DNAH14: variants seen among roughly 807,000 people sequenced by gnomAD.
The protein encoded by DNAH14 is axonemal beta dynein heavy chain 14.
A neutral mutation model predicts 520.9 loss-of-function variants in DNAH14; 478 were observed. The ratio of observed to expected loss-of-function variants is 0.92; its 90% confidence interval spans 0.85 to 0.99. DNAH14 has a LOEUF of 0.99. Ranked by LOEUF, DNAH14 falls within the 50% of genes least tolerant of loss-of-function variation. The probability of loss-of-function intolerance (pLI) is 0.00; values close to 1 mark genes in which losing one functional copy is unlikely to be tolerated. For missense variants in DNAH14, 4,831 were observed against 5,234.5 expected (o/e 0.92, Z 2.38); for synonymous variants, 1,581 against 1,757.2 (o/e 0.90, Z 2.51).
At chr1:225,359,550 T>C (rs1184854514) in intron 74 of DNAH14, among the ~76,000 whole-genome samples, 1 of 152,220 alleles carries the variant, frequency 6.6e-6, no homozygotes, top group Non-Finnish European at 1.5e-5. Context: ...AAATCAAATG[T>C]GTCTTTAGAA....
intron 27 of DNAH14, among the ~76,000 whole-genome samples, chr1:225,127,901 C>A (rs2077931112): frequency 6.6e-6 from 1 of 152,084 alleles, no homozygotes; most frequent in Non-Finnish European, 1.5e-5. Flanking sequence ...TAGGGCAGGC[C>A]TGGTGGTGAC....
At chr1:225,070,607 A>G (rs1420222668) in intron 17 of DNAH14, among the ~76,000 whole-genome samples, 1 of 152,164 alleles carries the variant, frequency 6.6e-6, no homozygotes, top group African/African-American at 2.4e-5. Flanking sequence ...GCATTTGCTG[A>G]GGAGTGTTTT....
chr1:225,131,404 A>T lies in DNAH14; in HGVS notation c.4254+7790A>T, dbSNP rs191867760. Among the ~76,000 whole-genome samples, 7 of 152,288 alleles carry T rather than the reference A, an allele frequency of 4.6e-5. No homozygotes were observed. In the East Asian group the frequency reaches 1.4e-3, roughly 29 times the overall value. On this transcript the variant is annotated intron_variant, in intron 27 of 85. Transcript: ENST00000682510. Reference sequence around the variant, plus strand: ...TTTTCAGCTTCTGGAGGCCATTGGCATTCCTTGGCTCACAGCCCATTCCTC... The same window carrying T: ...TTTTCAGCTTCTGGAGGCCATTGGCTTTCCTTGGCTCACAGCCCATTCCTC...
At chr1:225,128,869 G>A (rs2078066212) in intron 27 of DNAH14, among the ~76,000 whole-genome samples, 1 of 150,012 alleles carries the variant, frequency 6.7e-6, no homozygotes, top group Non-Finnish European at 1.5e-5. Context: ...AAAAGAAGAA[G>A]TCAAATTGTC....
chr1:225,082,577 T>C lies in DNAH14; in HGVS notation c.3165T>C (p.His1055=). Residue 1055 remains histidine (H), a synonymous_variant, in exon 20 of 86, where the codon CAT becomes CAC. Coordinates refer to ENST00000682510, the MANE Select transcript of DNAH14 (RefSeq NM_001367479.1). ...TACCTAAAAGCGATATGGTAACACA[T>C]CTTAAGCAAGTGGTAACAGAGTTTA... ...KGLPKSDMVT[H]LKQVVTEFKQ... is the part of the protein sequence containing the mutation. 6.4e-7 allele frequency: 1 copy of C among 1,551,404 alleles called. No individual in the cohort carries two copies. The highest frequency in any genetic ancestry group is 8.7e-7 in the Non-Finnish European group (1 of 1,146,876).
chr1:225,185,949 T>TA (rs2084662133), intron 37 of DNAH14, among the ~76,000 whole-genome samples: 1 of 148,820 alleles, frequency 6.7e-6, no homozygotes, highest in African/African-American at 2.4e-5. Context: ...ACACTTTGTT[T>TA]TTTTTTTTTT....
chr1:225,032,724 C>T (rs915443727), intron 11 of DNAH14, among the ~76,000 whole-genome samples: 3 of 152,064 alleles, frequency 2.0e-5, no homozygotes, highest in African/African-American at 7.2e-5. Context: ...CCCTTTTCTC[C>T]GCAACCTCAC....
intron 83 of DNAH14, among the ~76,000 whole-genome samples, chr1:225,390,908 G>A (rs1229846611): frequency 2.0e-5 from 3 of 151,838 alleles, no homozygotes; most frequent in Admixed American, 6.6e-5. Context: ...CTCATCCAAG[G>A]TCACTTCACT....
intron 44 of DNAH14, among the ~76,000 whole-genome samples, chr1:225,255,919 A>G (rs1460062344): frequency 6.6e-6 from 1 of 152,220 alleles, no homozygotes; most frequent in Non-Finnish European, 1.5e-5. Flanking sequence ...AATGAAAAAT[A>G]CAACGGAAGT....
At chr1:225,173,807 A>T (rs1490290884) in intron 36 of DNAH14, among the ~76,000 whole-genome samples, 3 of 152,236 alleles carry the variant, frequency 2.0e-5, no homozygotes, top group Non-Finnish European at 4.4e-5. Context: ...AGACATATGC[A>T]CATATATGTT....
chr1:224,945,749 G>A (rs1299083705), intron 1 of DNAH14, among the ~76,000 whole-genome samples: 1 of 152,294 alleles, frequency 6.6e-6, no homozygotes, highest in Non-Finnish European at 1.5e-5. Flanking sequence ...GTTTGCTGGA[G>A]GTCCACTCCA....
rs533785290 is a variant in DNAH14 at position 225,250,266 on chromosome 1, T to TTTATTA, written c.6749-2033_6749-2028dup. 3.2e-4 allele frequency among the ~76,000 whole-genome samples: 49 copies of TTTATTA among 152,356 alleles called. 1 individual carries two copies. Among genetic ancestry groups the TTTATTA allele is most frequent in the African/African-American group, 1.1e-3 (47 of 41,582 alleles). On this transcript the variant is annotated intron_variant, in intron 43 of 85. Coordinates refer to ENST00000682510, the MANE Select transcript of DNAH14 (RefSeq NM_001367479.1). ...AGGCAATTTGTCATTGTCTTTCTCA[T>TTTATTA]TTATTATAGCCATTCCAGTGGGTAT...
intron 66 of DNAH14, among the ~76,000 whole-genome samples, chr1:225,335,307 ACG>A (rs1491169451): frequency 7.3e-6 from 1 of 136,124 alleles, no homozygotes; most frequent in East Asian, 2.6e-4. Flanking sequence ...ACATGTGTAC[ACG>A]TGTGTATATG....
At chr1:225,064,155 A>G (rs1558838542) in intron 17 of DNAH14, among the ~76,000 whole-genome samples, 1 of 152,084 alleles carries the variant, frequency 6.6e-6, no homozygotes, top group Non-Finnish European at 1.5e-5. Flanking sequence ...TAATAAAAGC[A>G]GATGACAGAT....
Position 225,085,584 on chromosome 1 carries a change from CAGCA to C in DNAH14, c.3370_3373del (p.Ala1124LeufsTer24). On this transcript the variant is annotated frameshift_variant, in exon 21 of 86. Transcript: ENST00000682510. LOFTEE classifies it high-confidence loss of function. ...AATGAAATAAATGATATGTCAACCT[CAGCA>C]ACTAATGAAGCTGCTCTTGAAAAAA... The C allele has an allele frequency of 1.9e-6, 3 of 1,547,990 alleles. No homozygotes were observed. Among genetic ancestry groups the C allele is most frequent in the Non-Finnish European group, 2.6e-6 (3 of 1,143,784 alleles).
At chr1:225,168,242 G>T (rs1425935212) in intron 36 of DNAH14, among the ~76,000 whole-genome samples, 1 of 152,194 alleles carries the variant, frequency 6.6e-6, no homozygotes, top group Non-Finnish European at 1.5e-5. Context: ...CGTGAGCGAC[G>T]CAGAAGACGA....
At chr1:225,352,837 T>C (rs2095384632) in intron 72 of DNAH14, among the ~76,000 whole-genome samples, 1 of 152,112 alleles carries the variant, frequency 6.6e-6, no homozygotes, top group Admixed American at 6.6e-5. Context: ...ACATTCTTGA[T>C]TTCAAGTTCT....
At chr1:225,265,049 G>C in intron 47 of DNAH14, 133 bp from the exon 48 acceptor site, 1 of 661,486 alleles carries the variant, frequency 1.5e-6, no homozygotes, top group Admixed American at 3.9e-5. Context: ...AGTTCTATCG[G>C]AGTAATTTCT....
At chr1:225,047,540 C>G (rs947407751) in intron 15 of DNAH14, among the ~76,000 whole-genome samples, 6 of 152,136 alleles carry the variant, frequency 3.9e-5, no homozygotes, top group Admixed American at 6.6e-5. Context: ...ACCATATAGC[C>G]TAGGTGTGTA....
Sources: gnomAD v4.1 joint callset for allele counts (sites outside exome capture counted in the v4.1 genomes callset) on GRCh38, gnomAD v4.1.1 for gene constraint, MANE v1.5 for transcripts, NCBI Gene and HGNC (gene_info 2026-07-23, HGNC 2026-07-21) for gene names.